CPLX2: variants seen among roughly 807,000 people sequenced by gnomAD.
The protein encoded by CPLX2 is complexin 2.
CPLX2 carries 5 observed loss-of-function variants against 16.3 expected under a neutral mutation model. That is an observed-to-expected ratio of 0.31 (90% confidence interval 0.16 to 0.64). The LOEUF (loss-of-function observed/expected upper bound fraction) is 0.64, where lower values mean the gene tolerates loss of function less well. Among genes scored for constraint, CPLX2 ranks in the 30% least tolerant of loss-of-function variants. CPLX2 has a pLI of 0.79. For synonymous variants in CPLX2, 89 were observed against 73.2 expected (o/e 1.22, Z -1.10); for missense variants, 144 against 181.4 (o/e 0.79, Z 1.18).
In CPLX2 at chr5:175,880,070, C is replaced by T; in HGVS notation, c.*25C>T. The T allele has an allele frequency of 6.3e-7, 1 of 1,596,460 alleles. No homozygotes were observed. The highest frequency in any genetic ancestry group is 1.1e-5 in the South Asian group (1 of 88,634). ...ACCAGGCCTCCTGCCCCAGCCTACT[C>T]CACCTGTTACTACTTCTTTTTGGTT... is the stretch of plus-strand genomic sequence containing the variant. On this transcript the variant is annotated 3_prime_UTR_variant, in exon 4 of 4. Transcript: ENST00000393745.
intron 1 of CPLX2, among the ~76,000 whole-genome samples, chr5:175,803,148 T>C (rs1235440591): frequency 8.5e-5 from 13 of 152,134 alleles, no homozygotes; most frequent in African/African-American, 1.7e-4. Context: ...GTGCTTTCAA[T>C]TGTGACAATA....
chr5:175,861,456 G>C (rs547692201), intron 2 of CPLX2, among the ~76,000 whole-genome samples: 1 of 152,132 alleles, frequency 6.6e-6, no homozygotes, highest in Admixed American at 6.5e-5. Context: ...GTTTGGACCC[G>C]ATGCTGCAGG....
At chr5:175,797,029 C>A (rs1329453340) in intron 1 of CPLX2, among the ~76,000 whole-genome samples, 12 of 152,228 alleles carry the variant, frequency 7.9e-5, no homozygotes, top group African/African-American at 2.7e-4. Flanking sequence ...GGGTCCCTAT[C>A]GGGTCAGCAC....
chr5:175,836,110 G>A (rs1245477414), intron 2 of CPLX2, among the ~76,000 whole-genome samples: 1 of 152,140 alleles, frequency 6.6e-6, no homozygotes, highest in African/African-American at 2.4e-5. Context: ...CAGCACTTTG[G>A]GAGGCCAAGG....
intron 2 of CPLX2, among the ~76,000 whole-genome samples, chr5:175,848,432 G>A (rs1056989068): frequency 6.6e-6 from 1 of 152,212 alleles, no homozygotes; most frequent in Admixed American, 6.5e-5. Flanking sequence ...GGAGAAGCAA[G>A]TGCAACACAG....
chr5:175,842,818 C>T lies in CPLX2; in HGVS notation c.-89+33750C>T, dbSNP rs193204749. On this transcript the variant is annotated intron_variant, in intron 2 of 4. Coordinates refer to the CPLX2 transcript ENST00000359546. The stretch of plus-strand genomic sequence containing the variant: ...TTCTTAGACTCTTTGGCTAAACACC[C>T]AACTCGTGACAACCATTTCACAGAG... 3.9e-5 allele frequency among the ~76,000 whole-genome samples: 6 copies of T among 152,366 alleles called. No individual in the cohort carries two copies. The East Asian group carries it at 5.8e-4, about 15-fold the overall frequency.
intron 2 of CPLX2, among the ~76,000 whole-genome samples, chr5:175,841,586 C>T (rs1442406918): frequency 6.6e-6 from 1 of 152,218 alleles, no homozygotes. Context: ...TCCAGGGACC[C>T]CCCAAGTCTC....
intron 2 of CPLX2, among the ~76,000 whole-genome samples, chr5:175,857,963 C>T (rs1759291894): frequency 6.6e-6 from 1 of 152,200 alleles, no homozygotes. Context: ...TGTGTGCCTC[C>T]CAGCAGCGCC....
chr5:175,848,233 T>G lies in CPLX2; in HGVS notation c.-88-30419T>G, dbSNP rs56153604. 5.8e-4 allele frequency among the ~76,000 whole-genome samples: 88 copies of G among 151,294 alleles called. 1 individual carries two copies. Among genetic ancestry groups the G allele is most frequent in the African/African-American group, 2.0e-3 (83 of 41,182 alleles). On this transcript the variant is annotated intron_variant, in intron 2 of 4. Coordinates refer to the CPLX2 transcript ENST00000359546. ...GCCATTGGTAGGGGAGAGGAAGGAG[T>G]GTCCCCAGCATGTACAAAGGCTGAG...
chr5:175,880,981 C>T lies in CPLX2; in HGVS notation c.*936C>T, dbSNP rs994759731. 1.3e-5 allele frequency: 2 copies of T among 152,744 alleles called. No homozygotes were observed. Among genetic ancestry groups the T allele is most frequent in the Non-Finnish European group, 2.9e-5 (2 of 68,078 alleles). The allele number at this position is 152,744 out of a possible 1,614,324, so 9.5% of individuals were successfully genotyped here. The stretch of plus-strand genomic sequence containing the variant: ...GGGCCCCACGGTCCCCAGGAGGACG[C>T]TTCCTGGCCAAAGCCCCAAGCCTTT... On this transcript the variant is annotated 3_prime_UTR_variant, in exon 4 of 4. Coordinates refer to ENST00000393745, the MANE Select transcript of CPLX2 (RefSeq NM_001008220.2).
At chr5:175,822,522 C>T (rs1169009712) in intron 2 of CPLX2, among the ~76,000 whole-genome samples, 4 of 152,226 alleles carry the variant, frequency 2.6e-5, no homozygotes, top group Admixed American at 6.5e-5. Context: ...ACTTAAGTGA[C>T]AGAAACCCAA....
At chr5:175,804,816 C>G (rs1036703516) in intron 1 of CPLX2, among the ~76,000 whole-genome samples, 3 of 152,250 alleles carry the variant, frequency 2.0e-5, no homozygotes, top group Non-Finnish European at 4.4e-5. Context: ...ACTCCCCTGA[C>G]TACCCAACCC....
chr5:175,853,073 A>G (rs764806833), intron 2 of CPLX2, among the ~76,000 whole-genome samples: 45 of 152,186 alleles, frequency 3.0e-4, no homozygotes, highest in Non-Finnish European at 3.7e-4. Context: ...TTTCCTTTTC[A>G]CTGCATTTAT....
chr5:175,804,091 A>T (rs1241749676), intron 1 of CPLX2, among the ~76,000 whole-genome samples: 1 of 152,182 alleles, frequency 6.6e-6, no homozygotes, highest in Non-Finnish European at 1.5e-5. Context: ...TTTTTTTTAA[A>T]TTAATGCAAA....
At chr5:175,864,696 T>C (rs752222662) in intron 2 of CPLX2, among the ~76,000 whole-genome samples, 1 of 152,164 alleles carries the variant, frequency 6.6e-6, no homozygotes, top group South Asian at 2.1e-4. Flanking sequence ...TGGGGTGCTG[T>C]AGGCTCTCCA....
intron 1 of CPLX2, among the ~76,000 whole-genome samples, chr5:175,873,720 T>C (rs2113708803): frequency 6.6e-6 from 1 of 152,316 alleles, no homozygotes; most frequent in African/African-American, 2.4e-5. Flanking sequence ...TTAGATAATA[T>C]GTACCTACTT....
chr5:175,797,705 A>C (rs991406942), intron 1 of CPLX2, among the ~76,000 whole-genome samples: 1 of 150,942 alleles, frequency 6.6e-6, no homozygotes, highest in Non-Finnish European at 1.5e-5. Flanking sequence ...TCTCTCCCTC[A>C]CTCCCCGGGT....
chr5:175,808,553 C>T (rs1254351670), intron 1 of CPLX2, among the ~76,000 whole-genome samples: 1 of 152,052 alleles, frequency 6.6e-6, no homozygotes, highest in Non-Finnish European at 1.5e-5. Flanking sequence ...TATATGAGGC[C>T]AGTAGTATTA....
chr5:175,817,179 T>C (rs1170455868), intron 2 of CPLX2, among the ~76,000 whole-genome samples: 1 of 152,228 alleles, frequency 6.6e-6, no homozygotes, highest in Admixed American at 6.5e-5. Flanking sequence ...AGATGTTTCT[T>C]TGGGATGGAA....
Sources: gnomAD v4.1 joint callset for allele counts (sites outside exome capture counted in the v4.1 genomes callset) on GRCh38, gnomAD v4.1.1 for gene constraint, MANE v1.5 for transcripts, NCBI Gene and HGNC (gene_info 2026-07-23, HGNC 2026-07-21) for gene names.